Variants in GRIP1 observed in about 807,000 individuals in gnomAD.
GRIP1 encodes glutamate receptor interacting protein 1, also known as glutamate receptor-interacting protein 1.
A neutral mutation model predicts 129.9 loss-of-function variants in GRIP1; 45 were observed. The observed-to-expected ratio is 0.35, with a 90% confidence interval of 0.27 to 0.44. GRIP1 has a LOEUF of 0.44. Ranked by LOEUF, GRIP1 falls within the 20% of genes least tolerant of loss-of-function variation. The pLI is 1.00. For missense variants in GRIP1, 1,196 were observed against 1,396.8 expected (o/e 0.86, Z 2.29); for synonymous variants, 530 against 520.8 (o/e 1.02, Z -0.24).
At chr12:66,780,118 C>T (rs1486712543) in intron 1 of GRIP1, among the ~76,000 whole-genome samples, 2 of 152,138 alleles carry the variant, frequency 1.3e-5, no homozygotes, top group Non-Finnish European at 2.9e-5. Context: ...AACAGAGCAA[C>T]TAGTTGGTCA....
At chr12:67,042,467 A>T (rs2043195099) in intron 1 of GRIP1, among the ~76,000 whole-genome samples, 2 of 152,160 alleles carry the variant, frequency 1.3e-5, no homozygotes, top group African/African-American at 4.8e-5. Context: ...AGGTCAAAGG[A>T]TATCCACAAT....
intron 23 of GRIP1, 50 bp from the exon 24 acceptor site, chr12:66,353,613 C>T (rs2054339898): frequency 6.6e-7 from 1 of 1,506,064 alleles, no homozygotes; most frequent in Non-Finnish European, 9.2e-7. Context: ...GGAGACTTTT[C>T]CTTCTGCAAC....
chr12:66,736,025 T>A (rs1186744752), intron 1 of GRIP1, among the ~76,000 whole-genome samples: 1 of 152,090 alleles, frequency 6.6e-6, no homozygotes, highest in Non-Finnish European at 1.5e-5. Flanking sequence ...ACATAAACAG[T>A]TCACCCTTAA....
chr12:66,404,715 A>G (rs980771975), intron 16 of GRIP1, among the ~76,000 whole-genome samples: 1 of 152,202 alleles, frequency 6.6e-6, no homozygotes, highest in Non-Finnish European at 1.5e-5. Flanking sequence ...ATGGTTTGGA[A>G]AGATTCAATA....
chr12:66,386,414 G>A (rs749676140), intron 19 of GRIP1, among the ~76,000 whole-genome samples: 14 of 152,006 alleles, frequency 9.2e-5, no homozygotes, highest in Admixed American at 5.2e-4. Context: ...CAGGTGGATC[G>A]CGAGGTCAGG....
intron 1 of GRIP1, among the ~76,000 whole-genome samples, chr12:67,011,583 A>G (rs1043986714): frequency 3.3e-5 from 5 of 150,964 alleles, no homozygotes; most frequent in African/African-American, 1.2e-4. Flanking sequence ...ATCCCTCTGC[A>G]TATTTAATCC....
rs1365649187 is a variant in GRIP1, at chr12:66,861,554, T to A, written c.58+207496A>T. On this transcript the variant is annotated intron_variant, in intron 1 of 1. Transcript: ENST00000643019. ...TTTTATAGAGATACGCATATTGCTG[T>A]GGGGCTAAAGGCTGAATACAGAAAT... 3.3e-5 allele frequency among the ~76,000 whole-genome samples: 5 copies of A among 152,090 alleles called. No individual in the cohort carries two copies. The East Asian group carries it at 9.6e-4, about 29-fold the overall frequency.
At chr12:66,625,547 T>C (rs1375817941) in intron 1 of GRIP1, among the ~76,000 whole-genome samples, 1 of 152,174 alleles carries the variant, frequency 6.6e-6, no homozygotes, top group Admixed American at 6.5e-5. Flanking sequence ...TGAGTATAAG[T>C]GATTTTTTAT....
intron 7 of GRIP1, among the ~76,000 whole-genome samples, chr12:66,501,047 T>A (rs1222511219): frequency 6.6e-6 from 1 of 152,174 alleles, no homozygotes; most frequent in Non-Finnish European, 1.5e-5. Flanking sequence ...GTGAAACCTG[T>A]GTCACACAGA....
intron 7 of GRIP1, among the ~76,000 whole-genome samples, chr12:66,511,177 A>T (rs949843140): frequency 2.0e-5 from 3 of 149,960 alleles, no homozygotes; most frequent in African/African-American, 7.3e-5. Flanking sequence ...TATAAAGGAG[A>T]GTTTCCCTGC....
At chr12:66,929,590 C>A (rs1200142384) in intron 1 of GRIP1, among the ~76,000 whole-genome samples, 2 of 152,162 alleles carry the variant, frequency 1.3e-5, no homozygotes, top group Admixed American at 1.3e-4. Flanking sequence ...TCTCATATCT[C>A]TCCGTCCTGA....
chr12:66,546,867 TGACA>T (rs2061963498), intron 2 of GRIP1, among the ~76,000 whole-genome samples: 1 of 70,938 alleles, frequency 1.4e-5, no homozygotes, highest in East Asian at 5.6e-4. Context: ...TTTCTAGACT[TGACA>T]TAAGCATGAT....
At chr12:66,496,905 G>T (rs1339877137) in intron 7 of GRIP1, among the ~76,000 whole-genome samples, 2 of 151,456 alleles carry the variant, frequency 1.3e-5, no homozygotes, top group East Asian at 3.9e-4. Context: ...AAAGGAGAAG[G>T]AACAAAAGAA....
At chr12:66,540,980 T>G (rs2061762164) in intron 3 of GRIP1, among the ~76,000 whole-genome samples, 1 of 151,890 alleles carries the variant, frequency 6.6e-6, no homozygotes, top group Admixed American at 6.6e-5. Flanking sequence ...TTTTAATTTT[T>G]TTTTTAAATT....
intron 1 of GRIP1, among the ~76,000 whole-genome samples, chr12:66,907,778 A>C (rs1226677082): frequency 1.3e-5 from 2 of 152,206 alleles, no homozygotes; most frequent in Admixed American, 6.5e-5. Context: ...AGGGGAGAAA[A>C]CAGGTAGAAA....
At chr12:66,816,145 C>G (rs2039215074) in intron 1 of GRIP1, among the ~76,000 whole-genome samples, 1 of 150,830 alleles carries the variant, frequency 6.6e-6, no homozygotes, top group South Asian at 2.1e-4. Context: ...TTTGGTCACA[C>G]CTTACTGAAT....
At chr12:66,530,732 T>TTA (rs397794695) in intron 4 of GRIP1, among the ~76,000 whole-genome samples, 2 of 15,686 alleles carry the variant, frequency 1.3e-4, no homozygotes, top group African/African-American at 3.3e-3. Context: ...CATTTCTGCA[T>TTA]AAAAAAACCC....
intron 1 of GRIP1, among the ~76,000 whole-genome samples, chr12:66,915,388 T>C (rs917887188): frequency 1.3e-5 from 2 of 152,176 alleles, no homozygotes; most frequent in Non-Finnish European, 2.9e-5. Context: ...ACTGTAGGCT[T>C]CCCAGACAAA....
chr12:66,431,124 T>G (rs982215814), intron 14 of GRIP1, among the ~76,000 whole-genome samples: 1 of 152,222 alleles, frequency 6.6e-6, no homozygotes. Flanking sequence ...GAAGCCATCT[T>G]GAGCCCTAAA....
Sources: allele counts gnomAD v4.1 joint callset (sites outside exome capture counted in the v4.1 genomes callset), GRCh38; gene constraint gnomAD v4.1.1; transcripts MANE v1.5; gene names NCBI Gene and HGNC (gene_info 2026-07-23, HGNC 2026-07-21).